Variants in ACACB observed in about 807,000 individuals in gnomAD.
ACACB encodes acetyl-CoA carboxylase 2.
ACACB carries 209 observed loss-of-function variants against 278.8 expected under a neutral mutation model. That is an observed-to-expected ratio of 0.75 (90% CI 0.67 to 0.84). The LOEUF is 0.84. ACACB is among the 40% of genes least tolerant of loss of function. The pLI is 0.00. For missense variants in ACACB, 2,850 were observed against 3,269.0 expected (o/e 0.87, Z 3.13); for synonymous variants, 1,174 against 1,285.6 (o/e 0.91, Z 1.86).
In ACACB at chr12:109,166,881, A is replaced by T; in HGVS notation, c.674A>T (p.His225Leu). ...PTMRPSMSGLHLVKRGREHKK... is the reference protein window; with the variant it reads ...PTMRPSMSGLLLVKRGREHKK... ...TGCAGGCCGAGCATGTCGGGACTCC[A>T]CCTGGTGAAGAGGGGACGGGAACAC... Residue 225 changes from histidine (H) to leucine (L), a missense_variant, in exon 3 of 53, where the codon CAC (histidine) becomes CTC (leucine). Transcript: ENST00000338432. 3.7e-6 allele frequency: 6 copies of T among 1,613,952 alleles called. No individual in the cohort carries two copies. Among genetic ancestry groups the T allele is most frequent in the Non-Finnish European group, 4.2e-6 (5 of 1,180,020 alleles).
At chr12:109,230,916 C>T (rs2046449486) in intron 28 of ACACB, among the ~76,000 whole-genome samples, 1 of 152,178 alleles carries the variant, frequency 6.6e-6, no homozygotes, top group African/African-American at 2.4e-5. Context: ...GGATTCCTGG[C>T]CATCTAAGAT....
intron 2 of ACACB, among the ~76,000 whole-genome samples, chr12:109,159,433 T>G (rs2043650638): frequency 6.6e-6 from 1 of 152,204 alleles, no homozygotes; most frequent in Non-Finnish European, 1.5e-5. Flanking sequence ...CAGACGTACA[T>G]GGTAGCTAAA....
At chr12:109,137,558 G>A (rs1593381680) in intron 1 of ACACB, among the ~76,000 whole-genome samples, 1 of 152,020 alleles carries the variant, frequency 6.6e-6, no homozygotes, top group East Asian at 1.9e-4. Context: ...TACTAGGGAG[G>A]CTGAGGCTCA....
At chr12:109,134,064 G>A (rs986876307) in intron 1 of ACACB, among the ~76,000 whole-genome samples, 3 of 151,530 alleles carry the variant, frequency 2.0e-5, no homozygotes, top group Non-Finnish European at 4.4e-5. Context: ...GATTACAGAC[G>A]TAGCCATTGC....
chr12:109,261,739 T>C (rs1458651207), intron 48 of ACACB, among the ~76,000 whole-genome samples: 1 of 151,482 alleles, frequency 6.6e-6, no homozygotes, highest in Non-Finnish European at 1.5e-5. Context: ...GGCATGGTGG[T>C]ACACGCCTGT....
At chr12:109,120,020 C>A (rs905260308) in intron 1 of ACACB, among the ~76,000 whole-genome samples, 1 of 152,210 alleles carries the variant, frequency 6.6e-6, no homozygotes, top group Non-Finnish European at 1.5e-5. Context: ...ACTCTCCTTT[C>A]TATTTAGAAG....
In ACACB at chr12:109,199,383, G is replaced by A. The variant is rs7299171; in HGVS notation, c.2628-19G>A. 4.8e-6 allele frequency: 7 copies of A among 1,453,088 alleles called. No individual in the cohort carries two copies. The highest frequency in any genetic ancestry group is 3.1e-5 in the South Asian group (2 of 64,060). The allele number at this position is 1,453,088 out of a possible 1,614,324, so 90.0% of individuals were successfully genotyped here. A position where few individuals can be genotyped will look rare whatever the true frequency, so the allele number is the denominator to read the frequency against. On this transcript the variant is annotated intron_variant, in intron 17 of 52. Coordinates refer to ENST00000338432, the MANE Select transcript of ACACB (RefSeq NM_001093.4). ...GTAGTCCTCATCAGTCTCCCTACCC[G>A]ACTCCTCCTCTCTCCCAGTTACCGA...
chr12:109,156,348 A>G (rs2043535103), intron 2 of ACACB, among the ~76,000 whole-genome samples: 1 of 152,104 alleles, frequency 6.6e-6, no homozygotes, highest in Non-Finnish European at 1.5e-5. Flanking sequence ...TGGGCAACAT[A>G]GTGAGACCCC....
At chr12:109,236,819 G>T (rs1448426422) in intron 33 of ACACB, among the ~76,000 whole-genome samples, 1 of 151,778 alleles carries the variant, frequency 6.6e-6, no homozygotes, top group Non-Finnish European at 1.5e-5. Context: ...AAGAAACCAG[G>T]GGTTAGTGGC....
intron 2 of ACACB, among the ~76,000 whole-genome samples, chr12:109,153,791 T>C (rs1314101555): frequency 6.6e-6 from 1 of 152,130 alleles, no homozygotes; most frequent in African/African-American, 2.4e-5. Flanking sequence ...GTCTCTCGAG[T>C]AGCTGGGACT....
chr12:109,260,371 A>G, intron 47 of ACACB, 109 bp from the exon 48 acceptor site: 1 of 1,391,990 alleles, frequency 7.2e-7, no homozygotes, highest in South Asian at 1.3e-5. Context: ...GTGCTCTCCA[A>G]GCCTCTCAGC....
At chr12:109,169,960 C>T (rs1270100378) in intron 4 of ACACB, among the ~76,000 whole-genome samples, 1 of 152,156 alleles carries the variant, frequency 6.6e-6, no homozygotes, top group Admixed American at 6.6e-5. Context: ...TATAAAGTGC[C>T]ACATTGTTCA....
intron 11 of ACACB, among the ~76,000 whole-genome samples, chr12:109,184,865 C>A (rs933949812): frequency 2.6e-5 from 4 of 152,020 alleles, no homozygotes; most frequent in African/African-American, 4.8e-5. Flanking sequence ...AGTCACCATG[C>A]CTGGCTAATG....
chr12:109,155,363 T>G (rs1250224206), intron 2 of ACACB, among the ~76,000 whole-genome samples: 2 of 152,242 alleles, frequency 1.3e-5, no homozygotes, highest in Non-Finnish European at 2.9e-5. Context: ...TCTGAGCAGA[T>G]GAGCGTAGGC....
chr12:109,146,462 G>T (rs567392910), intron 2 of ACACB, among the ~76,000 whole-genome samples: 15 of 152,236 alleles, frequency 9.9e-5, no homozygotes, highest in Non-Finnish European at 1.9e-4. Flanking sequence ...TCAAGGGGCT[G>T]TCTCCTTCCT....
At chr12:109,212,984 G>C in intron 22 of ACACB, 48 bp downstream of exon 22, 1 of 1,518,046 alleles carries the variant, frequency 6.6e-7, no homozygotes, top group Non-Finnish European at 9.1e-7. Context: ...CTGAATCGTC[G>C]CATGCATTGC....
At chr12:109,232,843 T>G (rs1261166742) in intron 29 of ACACB, 37 bp downstream of exon 29, 2 of 1,611,594 alleles carry the variant, frequency 1.2e-6, no homozygotes, top group African/African-American at 2.7e-5. Flanking sequence ...ACCCTGAGCA[T>G]GGGGGCTGGG....
At chr12:109,252,965 T>C (rs542511601) in intron 42 of ACACB, 50 bp from the exon 43 acceptor site, 11 of 1,439,150 alleles carry the variant, frequency 7.6e-6, no homozygotes, top group South Asian at 5.1e-5. Flanking sequence ...AAACAGGTGG[T>C]AGAGCCCTGC....
intron 12 of ACACB, among the ~76,000 whole-genome samples, chr12:109,186,971 ACC>A: frequency 6.6e-6 from 1 of 152,126 alleles, no homozygotes; most frequent in East Asian, 1.9e-4. Context: ...ACCCACTCTT[ACC>A]AAAATTGTAC....
Sources: gnomAD v4.1 joint callset for allele counts (sites outside exome capture counted in the v4.1 genomes callset) on GRCh38, gnomAD v4.1.1 for gene constraint, MANE v1.5 for transcripts, NCBI Gene and HGNC (gene_info 2026-07-23, HGNC 2026-07-21) for gene names.